The following COPG2 variants were observed in gnomAD, a reference collection of about 807,000 sequenced individuals.
The protein encoded by COPG2 is coat protein complex I subunit gamma 2.
A neutral mutation model predicts 46.3 loss-of-function variants in COPG2; 37 were observed. The ratio of observed to expected loss-of-function variants is 0.80; its 90% confidence interval spans 0.61 to 1.05. The LOEUF (loss-of-function observed/expected upper bound fraction) is 1.05. Ranked by LOEUF, COPG2 falls within the 50% of genes least tolerant of loss-of-function variation. The pLI, the probability that COPG2 is intolerant of heterozygous loss-of-function variation, is 0.00. For synonymous variants in COPG2, 159 were observed against 129.7 expected (o/e 1.23, Z -1.53); for missense variants, 427 against 387.8 (o/e 1.10, Z -0.85).
intron 8 of COPG2, 51 bp downstream of exon 8, chr7:130,612,101 G>T (rs1266925616): frequency 1.5e-6 from 2 of 1,328,552 alleles, no homozygotes; most frequent in Non-Finnish European, 2.2e-6. Flanking sequence ...TACAATACAG[G>T]TTTAAAGAAT....
At chr7:130,629,922 CTTTTT>C (rs782471896) in intron 5 of COPG2, among the ~76,000 whole-genome samples, 1 of 142,586 alleles carries the variant, frequency 7.0e-6, no homozygotes, top group Admixed American at 7.0e-5. Context: ...CTTTCCTTTC[CTTTTT>C]TTTTTTTCAG....
rs749099917 is a variant in COPG2 at position 130,611,121 on chromosome 7, T to A, written c.580-11A>T. ...TCCCAATGCATGGTACTAAAGAACATGAAAAAGAAGGTAGCACATGGATTA... is the reference window on the plus strand; with the variant it reads ...TCCCAATGCATGGTACTAAAGAACAAGAAAAAGAAGGTAGCACATGGATTA... On this transcript the variant is annotated splice_polypyrimidine_tract_variant and intron_variant, in intron 8 of 23. Coordinates refer to ENST00000425248, the MANE Select transcript of COPG2 (RefSeq NM_012133.6). The A allele has an allele frequency of 6.2e-7, 1 of 1,605,294 alleles. No homozygotes were observed. Among genetic ancestry groups the A allele is most frequent in the Middle Eastern group, 1.7e-4 (1 of 6,018 alleles).
At chr7:130,513,999 G>C (rs1429875840) in intron 20 of COPG2, among the ~76,000 whole-genome samples, 3 of 152,212 alleles carry the variant, frequency 2.0e-5, no homozygotes, top group Non-Finnish European at 4.4e-5. Context: ...GTAGGTAAGC[G>C]TAGGTGGAGT....
chr7:130,634,107 G>C (rs575958348), intron 5 of COPG2, among the ~76,000 whole-genome samples: 1 of 152,322 alleles, frequency 6.6e-6, no homozygotes, highest in East Asian at 1.9e-4. Context: ...GTATCACGCT[G>C]TTTTGGTTAC....
chr7:130,576,358 T>G (rs1793998761), intron 9 of COPG2, among the ~76,000 whole-genome samples: 1 of 152,194 alleles, frequency 6.6e-6, no homozygotes, highest in Admixed American at 6.5e-5. Context: ...ATTGAAATTA[T>G]ATCAAGAACT....
chr7:130,664,133 A>G (rs782050491), intron 3 of COPG2, among the ~76,000 whole-genome samples: 7 of 152,128 alleles, frequency 4.6e-5, no homozygotes, highest in Non-Finnish European at 7.4e-5. Context: ...ATTTCAAAAC[A>G]TCTCAAATCA....
intron 9 of COPG2, among the ~76,000 whole-genome samples, chr7:130,597,915 T>C (rs1584991881): frequency 1.3e-5 from 2 of 152,118 alleles, no homozygotes; most frequent in Admixed American, 1.3e-4. Context: ...TACTCACATG[T>C]TTCATGTAGC....
intron 13 of COPG2, 142 bp from the exon 14 acceptor site, chr7:130,554,866 T>G (rs1793594953): frequency 2.5e-6 from 1 of 397,670 alleles, no homozygotes; most frequent in Non-Finnish European, 4.4e-6. Flanking sequence ...TTTCTCCAAG[T>G]GGGGAAAGCA....
intron 5 of COPG2, among the ~76,000 whole-genome samples, chr7:130,628,557 A>T (rs1191003851): frequency 6.6e-6 from 1 of 152,208 alleles, no homozygotes; most frequent in African/African-American, 2.4e-5. Flanking sequence ...TGTTTTAGAC[A>T]TACAGCTATT....
chr7:130,582,518 G>A (rs1156787136), intron 9 of COPG2, among the ~76,000 whole-genome samples: 6 of 151,822 alleles, frequency 4.0e-5, no homozygotes, highest in Non-Finnish European at 7.4e-5. Flanking sequence ...AAACTAAAGA[G>A]CTTCAGCACA....
chr7:130,618,628 A>G (rs1002324727), intron 5 of COPG2, among the ~76,000 whole-genome samples: 3 of 152,176 alleles, frequency 2.0e-5, no homozygotes, highest in Non-Finnish European at 4.4e-5. Context: ...TGACTTTTCT[A>G]TTATAAAGGT....
chr7:130,640,431 TTTA>T (rs1161743261), intron 5 of COPG2, among the ~76,000 whole-genome samples: 17 of 151,102 alleles, frequency 1.1e-4, no homozygotes, highest in Admixed American at 1.3e-4. Flanking sequence ...AGGGTTGTTA[TTTA>T]TTATTATTAT....
chr7:130,654,907 T>C (rs1487063949), intron 4 of COPG2, among the ~76,000 whole-genome samples: 1 of 152,090 alleles, frequency 6.6e-6, no homozygotes, highest in Non-Finnish European at 1.5e-5. Flanking sequence ...TCATTTTATA[T>C]ATTTCTTTTC....
At chr7:130,548,913 G>A (rs1400348472) in intron 18 of COPG2, among the ~76,000 whole-genome samples, 1 of 150,126 alleles carries the variant, frequency 6.7e-6, no homozygotes, top group Non-Finnish European at 1.5e-5. Context: ...GCGAGACTCT[G>A]TCTCAAAAAA....
chr7:130,537,100 C>A (rs1440025510), intron 20 of COPG2, among the ~76,000 whole-genome samples: 1 of 151,784 alleles, frequency 6.6e-6, no homozygotes, highest in East Asian at 1.9e-4. Flanking sequence ...ACCGGGGGGA[C>A]GAGGATGGGC....
Position 130,513,305 on chromosome 7 carries a change from AAAAATATATATATATAT to A in COPG2, c.2150-4663_2150-4647del, listed in dbSNP as rs1462320342. 8.6e-4 allele frequency among the ~76,000 whole-genome samples: 43 copies of A among 50,022 alleles called. 1 individual carries two copies. Among genetic ancestry groups the A allele is most frequent in the African/African-American group, 3.2e-3 (37 of 11,430 alleles). The allele number at this position is 50,022 out of a possible 152,430, so 32.8% of individuals were successfully genotyped here. On this transcript the variant is annotated intron_variant, in intron 20 of 23. Coordinates refer to ENST00000425248, the MANE Select transcript of COPG2 (RefSeq NM_012133.6). The stretch of plus-strand genomic sequence containing the variant: ...TAATTCTGTCTAAAAAAAAAAAAAA[AAAAATATATATATATAT>A]ATATATATATATATATATATGTGTG...
chr7:130,560,282 A>G (rs1793697582), intron 12 of COPG2, among the ~76,000 whole-genome samples: 2 of 152,312 alleles, frequency 1.3e-5, no homozygotes, highest in Admixed American at 1.3e-4. Context: ...ATATAAATTT[A>G]ACAACAGATT....
At chr7:130,612,562 A>G (rs902937592) in intron 7 of COPG2, among the ~76,000 whole-genome samples, 3 of 152,322 alleles carry the variant, frequency 2.0e-5, no homozygotes, top group Middle Eastern at 3.4e-3. Context: ...TACTTCCAGG[A>G]AACTCCCCTG....
At chr7:130,627,531 T>C (rs1050464724) in intron 5 of COPG2, among the ~76,000 whole-genome samples, 3 of 152,178 alleles carry the variant, frequency 2.0e-5, no homozygotes, top group Admixed American at 6.5e-5. Context: ...GACTGGGCCA[T>C]TGCACCCTAG....
Sources: gnomAD v4.1 joint callset for allele counts (sites outside exome capture counted in the v4.1 genomes callset) on GRCh38, gnomAD v4.1.1 for gene constraint, MANE v1.5 for transcripts, NCBI Gene and HGNC (gene_info 2026-07-23, HGNC 2026-07-21) for gene names.